Variants in CSMD1 observed in about 807,000 individuals in gnomAD.
CSMD1 encodes the protein CUB and sushi domain-containing protein 1.
Under a neutral mutation model 417.5 loss-of-function variants are expected in CSMD1, and 213 were observed. The observed-to-expected ratio is 0.51, with a 90% confidence interval of 0.46 to 0.57. The LOEUF (loss-of-function observed/expected upper bound fraction) is 0.57, where lower values mean the gene tolerates loss of function less well. CSMD1 is among the 20% of genes least tolerant of loss of function. The pLI is 0.00. For synonymous variants in CSMD1, 2,862 were observed against 1,736.8 expected, an observed-to-expected ratio of 1.65 and a Z score of -16.11; for missense variants, 6,923 against 4,529.7, an observed-to-expected ratio of 1.53 and a Z score of -15.17.
At chr8:3,927,640 C>T (rs188408877) in intron 5 of CSMD1, among the ~76,000 whole-genome samples, 254 of 151,784 alleles carry the variant, frequency 1.7e-3, no homozygotes, top group African/African-American at 5.6e-3. Flanking sequence ...ACTCCACACT[C>T]GGCGAAAGAG....
chr8:3,971,015 T>A (rs1178888457), intron 5 of CSMD1, among the ~76,000 whole-genome samples: 1 of 152,104 alleles, frequency 6.6e-6, no homozygotes, highest in Non-Finnish European at 1.5e-5. Flanking sequence ...ACTCCCAAAG[T>A]ACTGGGATTT....
chr8:3,813,729 A>G (rs1232792314), intron 5 of CSMD1, among the ~76,000 whole-genome samples: 2 of 152,196 alleles, frequency 1.3e-5, no homozygotes, highest in Non-Finnish European at 2.9e-5. Context: ...CAAATGGTCC[A>G]TGGTCCATTT....
At chr8:3,475,001 C>G (rs936764074) in intron 11 of CSMD1, among the ~76,000 whole-genome samples, 2 of 152,286 alleles carry the variant, frequency 1.3e-5, no homozygotes, top group Admixed American at 1.3e-4. Context: ...TCTGTCATCT[C>G]CCAGGCGTGT....
In CSMD1 at chr8:3,238,782, C is replaced by A. The variant is rs544009994; in HGVS notation, c.4154-8551G>T. On this transcript the variant is annotated intron_variant, in intron 26 of 69. Transcript: ENST00000635120. Reference sequence around the variant, plus strand: ...AGTGCCTGACGAGGTTCAGCATAGCCTTGCCAGCAAAGATTATTTATTTAC... The same window carrying A: ...AGTGCCTGACGAGGTTCAGCATAGCATTGCCAGCAAAGATTATTTATTTAC... 1.3e-3 allele frequency among the ~76,000 whole-genome samples: 204 copies of A among 152,282 alleles called. 1 individual carries two copies. Among genetic ancestry groups the A allele is most frequent in the African/African-American group, 4.8e-3 (198 of 41,548 alleles).
chr8:4,119,708 C>T (rs570242292), intron 3 of CSMD1, among the ~76,000 whole-genome samples: 357 of 152,306 alleles, frequency 2.3e-3, no homozygotes, highest in African/African-American at 8.1e-3. Flanking sequence ...AGTGGGCTGG[C>T]AGTCTGATCA....
intron 5 of CSMD1, among the ~76,000 whole-genome samples, chr8:3,995,468 C>A (rs554908905): frequency 6.6e-6 from 1 of 152,312 alleles, no homozygotes; most frequent in East Asian, 1.9e-4. Context: ...ATGATCCAGC[C>A]TGTAGTCCTG....
At chr8:3,406,762 T>G (rs532010680) in intron 14 of CSMD1, among the ~76,000 whole-genome samples, 2 of 152,226 alleles carry the variant, frequency 1.3e-5, no homozygotes, top group Non-Finnish European at 2.9e-5. Flanking sequence ...AATGTAGTAT[T>G]ACTCATATTA....
At chr8:4,311,592 G>A (rs566972649) in intron 3 of CSMD1, among the ~76,000 whole-genome samples, 10 of 151,964 alleles carry the variant, frequency 6.6e-5, no homozygotes, top group Non-Finnish European at 1.0e-4. Flanking sequence ...GTGTGGTTGT[G>A]GGCGCCTGTA....
intron 11 of CSMD1, among the ~76,000 whole-genome samples, chr8:3,480,721 G>A (rs1233518806): frequency 6.6e-6 from 1 of 152,074 alleles, no homozygotes; most frequent in Non-Finnish European, 1.5e-5. Context: ...CTACTTCAAT[G>A]ACAATGATTT....
chr8:3,453,216 T>C (rs968105225), intron 12 of CSMD1, among the ~76,000 whole-genome samples: 3 of 152,142 alleles, frequency 2.0e-5, no homozygotes, highest in South Asian at 2.1e-4. Context: ...TTCTTCTTTA[T>C]AGTCTTGCTA....
At chr8:3,526,955 T>C (rs1797778635) in intron 10 of CSMD1, among the ~76,000 whole-genome samples, 1 of 152,154 alleles carries the variant, frequency 6.6e-6, no homozygotes, top group Admixed American at 6.5e-5. Context: ...AATGAGTCTA[T>C]GTTGTTGGGT....
intron 5 of CSMD1, among the ~76,000 whole-genome samples, chr8:3,825,314 G>C (rs778367667): frequency 1.3e-5 from 2 of 152,150 alleles, no homozygotes; most frequent in African/African-American, 4.8e-5. Flanking sequence ...TGGATCGCTG[G>C]ATGTCAGGAG....
chr8:3,198,868 C>T (rs1425824356), intron 33 of CSMD1, among the ~76,000 whole-genome samples: 1 of 152,126 alleles, frequency 6.6e-6, no homozygotes, highest in Non-Finnish European at 1.5e-5. Context: ...AAATACTTAA[C>T]AGTGGCCATT....
intron 8 of CSMD1, among the ~76,000 whole-genome samples, chr8:3,613,449 A>T (rs1231018519): frequency 1.3e-5 from 2 of 152,112 alleles, no homozygotes; most frequent in African/African-American, 4.8e-5. Flanking sequence ...CAAAGTCTTT[A>T]TAAGAAAAGT....
chr8:4,186,138 C>G (rs1403192718), intron 3 of CSMD1, among the ~76,000 whole-genome samples: 1 of 152,100 alleles, frequency 6.6e-6, no homozygotes, highest in Admixed American at 6.5e-5. Context: ...GATTTGGCAT[C>G]CAGAGGCCAC....
chr8:3,557,757 T>G (rs1799219019), intron 10 of CSMD1, among the ~76,000 whole-genome samples: 1 of 152,168 alleles, frequency 6.6e-6, no homozygotes, highest in South Asian at 2.1e-4. Flanking sequence ...CCCTAGTAGG[T>G]GACACAGGTT....
At chr8:3,168,906 G>C (rs1056353811) in intron 37 of CSMD1, among the ~76,000 whole-genome samples, 1 of 148,302 alleles carries the variant, frequency 6.7e-6, no homozygotes, top group Non-Finnish European at 1.5e-5. Context: ...ATACCTTTAG[G>C]GGAAGTAAAA....
chr8:4,450,585 C>A (rs796131549), intron 2 of CSMD1, among the ~76,000 whole-genome samples: 4 of 152,034 alleles, frequency 2.6e-5, no homozygotes, highest in Admixed American at 6.6e-5. Context: ...CAGCCCAGAT[C>A]GCACCACTGC....
At chr8:3,480,128 G>A (rs1467669275) in intron 11 of CSMD1, among the ~76,000 whole-genome samples, 1 of 152,122 alleles carries the variant, frequency 6.6e-6, no homozygotes, top group Non-Finnish European at 1.5e-5. Flanking sequence ...GGAGGCCTAG[G>A]TGGATGGATT....
Sources: gnomAD v4.1 joint callset for allele counts (sites outside exome capture counted in the v4.1 genomes callset) on GRCh38, gnomAD v4.1.1 for gene constraint, MANE v1.5 for transcripts, NCBI Gene and HGNC (gene_info 2026-07-23, HGNC 2026-07-21) for gene names.